Variants in ITIH6 observed in about 807,000 individuals in gnomAD.
The protein encoded by ITIH6 is inter-alpha-trypsin inhibitor heavy chain family member 6.
ITIH6 carries 60 observed loss-of-function variants against 58.2 expected under a neutral mutation model. That is an observed-to-expected ratio of 1.03 (90% CI 0.84 to 1.28). The LOEUF is 1.28. ITIH6 is among the 50% of genes most tolerant of loss of function. ITIH6 has a pLI of 0.00. For missense variants in ITIH6, 1,290 were observed against 1,021.1 expected (o/e 1.26, Z -3.59); for synonymous variants, 493 against 417.4 (o/e 1.18, Z -2.21).
At chrX:54,750,570 G>A (rs779493356) in intron 12 of ITIH6, among the ~76,000 whole-genome samples, 12 of 111,263 alleles carry the variant, frequency 1.1e-4, no homozygotes, top group South Asian at 3.8e-4. Flanking sequence ...GTCTCTCCTC[G>A]GCTTACAACC....
At chrX:54,789,762 G>A (rs1254558236) in intron 4 of ITIH6, among the ~76,000 whole-genome samples, 1 of 112,287 alleles carries the variant, frequency 8.9e-6, no homozygotes, top group African/African-American at 3.2e-5. Flanking sequence ...AAAGCGTTTG[G>A]AGCCATACCT....
intron 2 of ITIH6, among the ~76,000 whole-genome samples, chrX:54,796,000 G>T (rs1308404768): frequency 9.0e-6 from 1 of 111,590 alleles, no homozygotes; most frequent in Non-Finnish European, 1.9e-5. Flanking sequence ...GAGTAGCTGA[G>T]ACTATAGGCA....
At chrX:54,755,625 G>C (rs1255553267) in intron 8 of ITIH6, among the ~76,000 whole-genome samples, 1 of 110,201 alleles carries the variant, frequency 9.1e-6, no homozygotes, top group Non-Finnish European at 1.9e-5. Context: ...AGCAGGAAGG[G>C]GTAGGACAAA....
intron 6 of ITIH6, among the ~76,000 whole-genome samples, chrX:54,771,745 C>T (rs1005142001): frequency 2.7e-5 from 3 of 111,637 alleles, no homozygotes; most frequent in Non-Finnish European, 3.8e-5. Flanking sequence ...AAATGCTTAA[C>T]ATCACTGATC....
In ITIH6 at chrX:54,750,961, G is replaced by T. The variant is rs368352151; in HGVS notation, c.3730+42C>A. On this transcript the variant is annotated intron_variant, in intron 12 of 12. Transcript: ENST00000218436. ...TTCACCCTGGCAGGGTCTTTTTGGT[G>T]GCTGGTGCTCCCTGGCCCCTCTCAG... is the stretch of plus-strand genomic sequence containing the variant. 928 of 1,099,437 alleles carry T rather than the reference G, an allele frequency of 8.4e-4. 2 individuals are homozygous for T. Among genetic ancestry groups the T allele is most frequent in the Non-Finnish European group, 1.0e-3 (844 of 839,797 alleles). 90.6% of individuals were successfully genotyped at this position (1,099,437 alleles called of 1,213,427 possible). A position where few individuals can be genotyped will look rare whatever the true frequency, so the allele number is the denominator to read the frequency against.
intron 6 of ITIH6, among the ~76,000 whole-genome samples, chrX:54,773,554 G>T (rs1336747807): frequency 9.0e-6 from 1 of 111,388 alleles, no homozygotes; most frequent in Non-Finnish European, 1.9e-5. Flanking sequence ...TAAAGTCAAA[G>T]CCTGCTTGGT....
Position 54,794,539 on chromosome X carries a change from T to C in ITIH6, c.257+2403A>G, listed in dbSNP as rs764647474. ...ATCTTACCCATATGGAAATCCTGCT[T>C]TCAGGGAGCCCTCCTTGACTGCCTC... On this transcript the variant is annotated intron_variant, in intron 2 of 12. Transcript: ENST00000218436. 9.1e-5 allele frequency among the ~76,000 whole-genome samples: 10 copies of C among 110,383 alleles called. No homozygotes were observed. In the South Asian group the frequency reaches 3.9e-3, roughly 43 times the overall value.
chrX:54,758,864 C>T lies in ITIH6; in HGVS notation c.1210G>A (p.Val404Met). ...GAGAGGATCACACTGGGGGTCGTCACGCCGGCCGTGGGCTCCCCATCCGTC... is the reference window on the plus strand; with the variant it reads ...GAGAGGATCACACTGGGGGTCGTCATGCCGGCCGTGGGCTCCCCATCCGTC... ...FLTDGEPTAG[V>M]TTPSVILSNV... The change falls in exon 8 of 13, where the codon GTG becomes ATG. Residue 404 changes from valine to methionine, a missense_variant. By Grantham distance (21) the Val-to-Met change is conservative (BLOSUM62 1). Transcript: ENST00000218436. The T allele has an allele frequency of 4.1e-6, 5 of 1,211,353 alleles. No homozygotes were observed. Among genetic ancestry groups the T allele is most frequent in the Non-Finnish European group, 5.6e-6 (5 of 895,371 alleles).
At chrX:54,773,462 A>G (rs1928992585) in intron 6 of ITIH6, among the ~76,000 whole-genome samples, 1 of 111,249 alleles carries the variant, frequency 9.0e-6, no homozygotes, top group Admixed American at 9.6e-5. Context: ...GCAAAGCTAT[A>G]CAACTGCAAG....
chrX:54,767,286 C>G (rs867506821), intron 6 of ITIH6, among the ~76,000 whole-genome samples: 1,611 of 106,007 alleles, frequency 0.015, 54 homozygotes, highest in African/African-American at 0.055. Flanking sequence ...CTCTTTTTTT[C>G]TTTATTAGTC....
intron 6 of ITIH6, among the ~76,000 whole-genome samples, chrX:54,764,393 A>G (rs1335186486): frequency 4.6e-5 from 5 of 107,677 alleles, no homozygotes; most frequent in Non-Finnish European, 9.6e-5. Context: ...ATATCTCCCA[A>G]TGCTATCCCT....
chrX:54,751,526 G>T, intron 11 of ITIH6, 146 bp from the exon 12 acceptor site: 1 of 667,193 alleles, frequency 1.5e-6, no homozygotes, highest in Non-Finnish European at 2.2e-6. Context: ...GGTCCACCTG[G>T]CTGCTCCTTC....
chrX:54,763,723 C>T (rs148422056), intron 6 of ITIH6, among the ~76,000 whole-genome samples: 1,723 of 111,778 alleles, frequency 0.015, 44 homozygotes, highest in African/African-American at 0.054. Context: ...TATGTCCTTA[C>T]TGATTTTCTG....
intron 8 of ITIH6, among the ~76,000 whole-genome samples, chrX:54,755,637 C>A (rs944403989): frequency 9.1e-6 from 1 of 109,777 alleles, no homozygotes; most frequent in Non-Finnish European, 1.9e-5. Context: ...TAGGACAAAG[C>A]AGGTCAGATG....
intron 5 of ITIH6, 76 bp downstream of exon 5, chrX:54,788,404 C>G (rs1929280696): frequency 6.5e-6 from 6 of 929,975 alleles, no homozygotes; most frequent in African/African-American, 1.9e-5. Context: ...CTGGTGTGAA[C>G]AGCTGGAGAG....
chrX:54,750,171 G>T, intron 12 of ITIH6, 65 bp from the exon 13 acceptor site: 1 of 886,674 alleles, frequency 1.1e-6, no homozygotes, highest in East Asian at 3.2e-5. Flanking sequence ...AGATCTGCAA[G>T]GAGGCCCAGC....
rs749027057 is a variant in ITIH6 at position 54,751,009 on chromosome X, G to A, written c.3724C>T (p.Leu1242=). ...CAGCCTCAGCTGCACTTACCTATCA[G>A]GCCACGGGCTGAGGGGCTGAGGCCT... ...GSGLSPSARG[L]IGQFQHADIR... The change falls in exon 12 of 13, where the codon CTG becomes TTG. Residue 1242 remains leucine, a synonymous_variant. Transcript: ENST00000218436. 8.7e-7 allele frequency: 1 copy of A among 1,155,820 alleles called. No individual in the cohort carries two copies. Among genetic ancestry groups the A allele is most frequent in the African/African-American group, 1.8e-5 (1 of 56,227 alleles).
rs1430963925 is a variant in ITIH6, at chrX:54,758,420, G to T, written c.1654C>A (p.Pro552Thr). Residue 552 changes from proline to threonine, a missense_variant, in exon 8 of 13, where the codon CCA becomes ACA. Pro to Thr is a conservative substitution (Grantham distance 38). Transcript: ENST00000218436. ...ATGAAGTGGGCCACATTGGGGGCTG[G>T]CTCCCCTGGGCAACCAAAGGCCTTC... is the stretch of plus-strand genomic sequence containing the variant. ...SQKAFGCPGE[P>T]APNVAHFIRR... 8.3e-7 allele frequency: 1 copy of T among 1,209,733 alleles called. No individual in the cohort carries two copies. The highest frequency in any genetic ancestry group is 1.7e-5 in the African/African-American group (1 of 57,825).
chrX:54,780,282 G>A (rs1467797427), intron 5 of ITIH6, among the ~76,000 whole-genome samples: 1 of 111,950 alleles, frequency 8.9e-6, no homozygotes, highest in Non-Finnish European at 1.9e-5. Context: ...CACAAAGCAA[G>A]ACTCAAAATT....
Sources: allele counts gnomAD v4.1 joint callset (sites outside exome capture counted in the v4.1 genomes callset), GRCh38; gene constraint gnomAD v4.1.1; transcripts MANE v1.5; gene names NCBI Gene and HGNC (gene_info 2026-07-23, HGNC 2026-07-21).